WWOX: variants seen among roughly 807,000 people sequenced by gnomAD.
WWOX encodes WW domain-containing oxidoreductase.
WWOX carries 69 observed loss-of-function variants against 46.2 expected under a neutral mutation model. The ratio of observed to expected loss-of-function variants is 1.49; its 90% CI spans 1.23 to 1.82. WWOX has a LOEUF of 1.82. Ranked by LOEUF, WWOX falls within the 40% of genes most tolerant of loss-of-function variation. The pLI is 0.00. For missense variants in WWOX, 919 were observed against 542.6 expected (o/e 1.69, Z -6.89); for synonymous variants, 359 against 202.6 (o/e 1.77, Z -6.56).
intron 8 of WWOX, among the ~76,000 whole-genome samples, chr16:78,730,749 C>A (rs56786392): frequency 1.5e-4 from 23 of 151,580 alleles, no homozygotes; most frequent in African/African-American, 4.6e-4. Flanking sequence ...TATAAACCAC[C>A]AACCCAGCCT....
chr16:78,774,870 A>G (rs1169755752), intron 8 of WWOX, among the ~76,000 whole-genome samples: 1 of 152,160 alleles, frequency 6.6e-6, no homozygotes, highest in South Asian at 2.1e-4. Context: ...TATTGAGCAG[A>G]TGTTTACCGC....
At position 78,794,477 on chromosome 16, in the gene WWOX, A is replaced by G. The variant is rs552404510; in HGVS notation, c.1056+361725A>G. 6.2e-4 allele frequency among the ~76,000 whole-genome samples: 94 copies of G among 152,316 alleles called. 1 individual carries two copies. Among genetic ancestry groups the G allele is most frequent in the African/African-American group, 2.1e-3 (86 of 41,554 alleles). On this transcript the variant is annotated intron_variant, in intron 8 of 8. Coordinates refer to ENST00000566780, the MANE Select transcript of WWOX (RefSeq NM_016373.4). ...AAGACTATGACAAATCCTTCCATCTATGTGTCCTTAGGCAAAATACCCAAA... is the reference window on the plus strand; with the variant it reads ...AAGACTATGACAAATCCTTCCATCTGTGTGTCCTTAGGCAAAATACCCAAA...
intron 5 of WWOX, among the ~76,000 whole-genome samples, chr16:78,320,927 A>G (rs1372827949): frequency 6.6e-6 from 1 of 152,218 alleles, no homozygotes; most frequent in African/African-American, 2.4e-5. Flanking sequence ...TTTGGGCGCC[A>G]GACTGCACAG....
At chr16:78,307,550 A>G (rs1489738029) in intron 5 of WWOX, among the ~76,000 whole-genome samples, 1 of 152,212 alleles carries the variant, frequency 6.6e-6, no homozygotes, top group Non-Finnish European at 1.5e-5. Flanking sequence ...ATGGATTATC[A>G]TTTGGAGGAT....
chr16:78,932,049 C>G (rs1264320364), intron 8 of WWOX, among the ~76,000 whole-genome samples: 1 of 152,212 alleles, frequency 6.6e-6, no homozygotes, highest in African/African-American at 2.4e-5. Context: ...ACTTTCCCAG[C>G]CATGTGGAAC....
chr16:78,613,722 A>G (rs2045953818), intron 8 of WWOX, among the ~76,000 whole-genome samples: 1 of 152,178 alleles, frequency 6.6e-6, no homozygotes, highest in South Asian at 2.1e-4. Flanking sequence ...CTTTGGAACG[A>G]ACTTTCCAGC....
intron 4 of WWOX, among the ~76,000 whole-genome samples, chr16:78,144,763 C>T (rs1179964448): frequency 1.3e-5 from 2 of 151,532 alleles, no homozygotes; most frequent in Admixed American, 6.6e-5. Context: ...TCAAGAAATC[C>T]GCCCACCTTG....
chr16:79,022,131 A>G, intron 8 of WWOX, among the ~76,000 whole-genome samples: 1 of 152,208 alleles, frequency 6.6e-6, no homozygotes, highest in East Asian at 1.9e-4. Context: ...GGCCTGAAAC[A>G]GGCCAGAAAG....
intron 8 of WWOX, among the ~76,000 whole-genome samples, chr16:78,728,367 C>G (rs1320591161): frequency 6.6e-6 from 1 of 152,076 alleles, no homozygotes; most frequent in Non-Finnish European, 1.5e-5. Context: ...GCCACCACAC[C>G]TGGCCATGGA....
intron 4 of WWOX, among the ~76,000 whole-genome samples, chr16:78,138,203 C>T (rs761579578): frequency 6.6e-6 from 1 of 150,770 alleles, no homozygotes; most frequent in Non-Finnish European, 1.5e-5. Context: ...CAAGAGCCAG[C>T]CCAGTTTTGC....
At chr16:78,720,820 A>T (rs2142351719) in intron 8 of WWOX, among the ~76,000 whole-genome samples, 1 of 152,274 alleles carries the variant, frequency 6.6e-6, no homozygotes, top group South Asian at 2.1e-4. Context: ...AAAGTACATT[A>T]GATACTTTCT....
intron 5 of WWOX, among the ~76,000 whole-genome samples, chr16:78,288,007 C>G (rs142100189): frequency 1.2e-4 from 19 of 152,208 alleles, no homozygotes; most frequent in African/African-American, 4.3e-4. Flanking sequence ...TTAGGAGAAA[C>G]ATTTCCCTAA....
chr16:78,440,754 G>A (rs1275705916), intron 8 of WWOX, among the ~76,000 whole-genome samples: 1 of 151,884 alleles, frequency 6.6e-6, no homozygotes, highest in East Asian at 1.9e-4. Flanking sequence ...AAGTAGCTGG[G>A]ATTACAAGCA....
intron 6 of WWOX, among the ~76,000 whole-genome samples, chr16:78,409,629 T>C (rs559641699): frequency 6.6e-6 from 1 of 152,308 alleles, no homozygotes; most frequent in East Asian, 1.9e-4. Flanking sequence ...ACCACAAACT[T>C]ATGTGCTTAA....
At chr16:78,178,649 T>A (rs1213449536) in intron 5 of WWOX, among the ~76,000 whole-genome samples, 1 of 152,126 alleles carries the variant, frequency 6.6e-6, no homozygotes, top group Non-Finnish European at 1.5e-5. Context: ...GTGGATCACT[T>A]GAGGTTAGGA....
rs141622426 is a variant in WWOX, at chr16:78,280,036, A to G, written c.517-106824A>G. Reference sequence around the variant, plus strand: ...AAGTCATCAAAATCACTCTGTTCTCACCAGGCAACTGGAGTTTCGTCAGCT... The same window carrying G: ...AAGTCATCAAAATCACTCTGTTCTCGCCAGGCAACTGGAGTTTCGTCAGCT... On this transcript the variant is annotated intron_variant, in intron 5 of 8. Transcript: ENST00000566780. Among the ~76,000 whole-genome samples the G allele has an allele frequency of 3.4e-3, 524 of 152,348 alleles. 1 individual carries two copies. The highest frequency in any genetic ancestry group is 0.012 in the African/African-American group (492 of 41,592).
intron 8 of WWOX, among the ~76,000 whole-genome samples, chr16:78,459,730 A>G (rs1310385892): frequency 6.6e-6 from 1 of 152,180 alleles, no homozygotes; most frequent in African/African-American, 2.4e-5. Context: ...TACCAGTGAC[A>G]TGTTTGCATT....
At chr16:78,488,181 A>G (rs1397703776) in intron 8 of WWOX, among the ~76,000 whole-genome samples, 1 of 152,186 alleles carries the variant, frequency 6.6e-6, no homozygotes, top group African/African-American at 2.4e-5. Flanking sequence ...TGGAGGGAAC[A>G]TGGAAGATGG....
chr16:79,156,146 G>C (rs1210762430), intron 8 of WWOX, among the ~76,000 whole-genome samples: 1 of 152,072 alleles, frequency 6.6e-6, no homozygotes, highest in Non-Finnish European at 1.5e-5. Flanking sequence ...GTGATTGTCT[G>C]TAGGTCTAGC....
Sources: gnomAD v4.1 joint callset for allele counts (sites outside exome capture counted in the v4.1 genomes callset) on GRCh38, gnomAD v4.1.1 for gene constraint, MANE v1.5 for transcripts, NCBI Gene and HGNC (gene_info 2026-07-23, HGNC 2026-07-21) for gene names.